DAPK1: variants seen among roughly 807,000 people sequenced by gnomAD.
DAPK1 encodes the protein death associated protein kinase 1.
In DAPK1, 56 loss-of-function variants were observed where a neutral mutation model predicts 144.9. That is an observed-to-expected ratio of 0.39 (90% CI 0.31 to 0.48). The LOEUF is 0.48. Ranked by LOEUF, DAPK1 falls within the 20% of genes least tolerant of loss-of-function variation. DAPK1 has a pLI of 0.95. For synonymous variants in DAPK1, 690 were observed against 749.0 expected (o/e 0.92, Z 1.29); for missense variants, 1,454 against 1,875.4 (o/e 0.78, Z 4.15).
intron 2 of DAPK1, among the ~76,000 whole-genome samples, chr9:87,604,142 T>C (rs1273615608): frequency 2.0e-5 from 3 of 152,008 alleles, no homozygotes; most frequent in African/African-American, 7.2e-5. Context: ...GCTCTCCTCA[T>C]GGTCCCAAGA....
intron 19 of DAPK1, among the ~76,000 whole-genome samples, chr9:87,670,637 C>T (rs1211625793): frequency 1.3e-5 from 2 of 152,134 alleles, no homozygotes; most frequent in Non-Finnish European, 2.9e-5. Context: ...CTGTGCCCTC[C>T]CAGGTGTATG....
chr9:87,603,475 G>A (rs760651331), intron 2 of DAPK1, among the ~76,000 whole-genome samples: 11 of 152,144 alleles, frequency 7.2e-5, no homozygotes, highest in African/African-American at 1.2e-4. Context: ...AATTTGACAC[G>A]GCTATAAAGA....
chr9:87,552,401 G>A (rs1476487388), intron 2 of DAPK1, among the ~76,000 whole-genome samples: 3 of 152,072 alleles, frequency 2.0e-5, no homozygotes, highest in Non-Finnish European at 4.4e-5. Context: ...GAACAGTGAC[G>A]GGGCACCACT....
chr9:87,552,103 A>T (rs2118569450), intron 2 of DAPK1, among the ~76,000 whole-genome samples: 1 of 152,136 alleles, frequency 6.6e-6, no homozygotes, highest in East Asian at 2.0e-4. Flanking sequence ...GAAACATGAG[A>T]CTGTGCCTCT....
intron 2 of DAPK1, among the ~76,000 whole-genome samples, chr9:87,598,035 C>T (rs1455118821): frequency 6.6e-6 from 1 of 152,184 alleles, no homozygotes; most frequent in Non-Finnish European, 1.5e-5. Flanking sequence ...GTCTGTAAAC[C>T]CTCAGGGTCT....
At chr9:87,601,694 A>G (rs1828524730) in intron 2 of DAPK1, among the ~76,000 whole-genome samples, 1 of 152,106 alleles carries the variant, frequency 6.6e-6, no homozygotes, top group Admixed American at 6.5e-5. Context: ...GTGCTGTCCT[A>G]AACACTTCAT....
At chr9:87,698,402 C>A in intron 22 of DAPK1, 1 of 395,320 alleles carries the variant, frequency 2.5e-6, no homozygotes, top group South Asian at 5.3e-5. Flanking sequence ...GAGAAACTGC[C>A]TTTAGTCATT....
At chr9:87,516,569 T>C (rs1825065919) in intron 2 of DAPK1, among the ~76,000 whole-genome samples, 1 of 152,182 alleles carries the variant, frequency 6.6e-6, no homozygotes, top group African/African-American at 2.4e-5. Flanking sequence ...GGCTGATTTC[T>C]AATTTTTCTT....
rs571220848 is a variant in DAPK1, at chr9:87,594,382, C to T, written c.63-10572C>T. Among the ~76,000 whole-genome samples the T allele has an allele frequency of 4.4e-4, 67 of 152,288 alleles. 1 individual carries two copies. In the South Asian group the frequency reaches 0.013, roughly 31 times the overall value. ...CGTATCCTTTAGCTGGAGCCAGGGTCCCTGCTGACTCTGCACACCGCCCAC... is the reference window on the plus strand; with the variant it reads ...CGTATCCTTTAGCTGGAGCCAGGGTTCCTGCTGACTCTGCACACCGCCCAC... On this transcript the variant is annotated intron_variant, in intron 2 of 25. Transcript: ENST00000408954.
intron 3 of DAPK1, among the ~76,000 whole-genome samples, chr9:87,625,929 ATCAG>A (rs1403723974): frequency 2.0e-5 from 3 of 152,220 alleles, no homozygotes; most frequent in Non-Finnish European, 4.4e-5. Flanking sequence ...AGGAGTACCC[ATCAG>A]TCAATTAAAG....
intron 3 of DAPK1, among the ~76,000 whole-genome samples, chr9:87,637,104 T>G (rs1036187000): frequency 2.0e-5 from 3 of 152,064 alleles, no homozygotes; most frequent in Admixed American, 1.3e-4. Flanking sequence ...ATTCTTTTTT[T>G]TTGTTTTTTT....
rs11141863 is a variant in DAPK1 at position 87,526,992 on chromosome 9, G to A, written c.62+27853G>A. Among the ~76,000 whole-genome samples, 22 of 152,338 alleles carry A rather than the reference G, an allele frequency of 1.4e-4. No homozygotes were observed. The East Asian group carries it at 3.5e-3, about 24-fold the overall frequency. On this transcript the variant is annotated intron_variant, in intron 2 of 25. Coordinates refer to ENST00000408954, the MANE Select transcript of DAPK1 (RefSeq NM_004938.4). ...TCCCATTAGCAGTGGGGGCCAAGAA[G>A]GAAGGGGAAGAAAGAACCAGTTGCC...
chr9:87,625,462 G>A (rs4878112), intron 3 of DAPK1, among the ~76,000 whole-genome samples: 36,227 of 152,160 alleles, frequency 0.24, 4,470 homozygotes, highest in East Asian at 0.42. Context: ...TAAATGCAGA[G>A]TGGGGAGGAG....
chr9:87,647,532 A>G, intron 14 of DAPK1, 129 bp downstream of exon 14: 2 of 756,610 alleles, frequency 2.6e-6, no homozygotes, highest in East Asian at 5.3e-5. Context: ...CCTGCAGAAC[A>G]TTTAAGTTGG....
intron 16 of DAPK1, chr9:87,650,401 C>T (rs1830403544): frequency 5.5e-6 from 2 of 361,446 alleles, no homozygotes; most frequent in Non-Finnish European, 5.1e-6. Context: ...CAGTGATGTT[C>T]ACTGAATCCG....
chr9:87,571,221 G>C (rs2066536148), intron 2 of DAPK1, among the ~76,000 whole-genome samples: 1 of 151,934 alleles, frequency 6.6e-6, no homozygotes, highest in Non-Finnish European at 1.5e-5. Context: ...GGACAAGATG[G>C]GAGACCCCAG....
intron 2 of DAPK1, chr9:87,499,345 G>A (rs1824311861): frequency 8.6e-6 from 5 of 580,332 alleles, no homozygotes; most frequent in African/African-American, 3.7e-5. Context: ...GCAGTTCAGG[G>A]CTAGATTATG....
chr9:87,667,698 CCTTA>C (rs1359444487), intron 18 of DAPK1: 2 of 138,366 alleles, frequency 1.4e-5, no homozygotes, highest in African/African-American at 2.8e-5. Context: ...TAAACCAAAT[CCTTA>C]CTTTTTTATT....
intron 23 of DAPK1, 60 bp from the exon 24 acceptor site, chr9:87,700,057 T>C (rs1486109538): frequency 1.6e-5 from 23 of 1,476,560 alleles, no homozygotes; most frequent in Non-Finnish European, 1.9e-5. Flanking sequence ...GCCTGGCCCC[T>C]CCATTAAAAG....
Sources: gnomAD v4.1 joint callset for allele counts (sites outside exome capture counted in the v4.1 genomes callset) on GRCh38, gnomAD v4.1.1 for gene constraint, MANE v1.5 for transcripts, NCBI Gene and HGNC (gene_info 2026-07-23, HGNC 2026-07-21) for gene names.